The following TMEM131 variants were observed in gnomAD, a reference collection of about 807,000 sequenced individuals.
The protein encoded by TMEM131 is 2610524E03Rik.
A neutral mutation model predicts 211.6 loss-of-function variants in TMEM131; 66 were observed. The observed-to-expected ratio is 0.31, with a 90% CI of 0.26 to 0.38. The LOEUF is 0.38. TMEM131 is among the 10% of genes least tolerant of loss of function. TMEM131 has a pLI of 1.00. For missense variants in TMEM131, 2,036 were observed against 2,299.3 expected, an observed-to-expected ratio of 0.89 and a Z score of 2.34; for synonymous variants, 844 against 841.3, an observed-to-expected ratio of 1.00 and a Z score of -0.06.
At chr2:97,812,337 T>A (rs1681584531) in intron 17 of TMEM131, 84 bp downstream of exon 17, 1 of 1,416,858 alleles carries the variant, frequency 7.1e-7, no homozygotes, top group Non-Finnish European at 9.6e-7. Context: ...AAAATAATAG[T>A]GATACATGTA....
chr2:97,865,779 T>C (rs1674245021), intron 4 of TMEM131, among the ~76,000 whole-genome samples: 1 of 152,236 alleles, frequency 6.6e-6, no homozygotes, highest in African/African-American at 2.4e-5. Context: ...TCCCTTTCTA[T>C]TGTTTGGAAG....
intron 1 of TMEM131, among the ~76,000 whole-genome samples, chr2:97,977,772 G>T (rs1296256051): frequency 2.6e-5 from 4 of 152,132 alleles, no homozygotes; most frequent in Non-Finnish European, 4.4e-5. Flanking sequence ...GCTGAAGGGT[G>T]GGGTGGCTGT....
chr2:97,905,075 T>G (rs2104353576), intron 3 of TMEM131, among the ~76,000 whole-genome samples: 1 of 152,340 alleles, frequency 6.6e-6, no homozygotes, highest in South Asian at 2.1e-4. Flanking sequence ...TGGTGGTCTT[T>G]GTTCTTCGTA....
chr2:97,889,315 C>T (rs1369878077), intron 3 of TMEM131, among the ~76,000 whole-genome samples: 2 of 151,984 alleles, frequency 1.3e-5, no homozygotes, highest in East Asian at 1.9e-4. Flanking sequence ...CTAAAGACAC[C>T]GGGACATGAA....
At chr2:97,822,985 A>G (rs1682201854) in intron 11 of TMEM131, among the ~76,000 whole-genome samples, 1 of 152,158 alleles carries the variant, frequency 6.6e-6, no homozygotes, top group African/African-American at 2.4e-5. Flanking sequence ...TGAGGGAAGT[A>G]TAAATTATAA....
chr2:97,943,239 C>A (rs970034677), intron 1 of TMEM131, among the ~76,000 whole-genome samples: 1 of 151,964 alleles, frequency 6.6e-6, no homozygotes, highest in South Asian at 2.1e-4. Context: ...CAAGGCAAGA[C>A]CCTGTCTCTA....
rs1679971294 is a variant in TMEM131 at position 97,985,208 on chromosome 2, T to C, written c.187+10268A>G. Among the ~76,000 whole-genome samples the C allele has an allele frequency of 3.3e-5, 5 of 152,324 alleles. No individual in the cohort carries two copies. In the South Asian group the frequency reaches 1.0e-3, roughly 32 times the overall value. On this transcript the variant is annotated intron_variant, in intron 1 of 40. Transcript: ENST00000186436. Reference sequence around the variant, plus strand: ...AAAAACAGAAAAACATAAGGATGCCTGCTTTTTCATCACTCTTATTTAACA... The same window carrying C: ...AAAAACAGAAAAACATAAGGATGCCCGCTTTTTCATCACTCTTATTTAACA...
At chr2:97,948,721 G>A (rs1293663241) in intron 1 of TMEM131, among the ~76,000 whole-genome samples, 2 of 151,018 alleles carry the variant, frequency 1.3e-5, no homozygotes, top group African/African-American at 4.9e-5. Flanking sequence ...GCAGTGGTGT[G>A]ATCTCGGCTC....
chr2:97,824,161 C>G (rs1022811772), intron 11 of TMEM131, among the ~76,000 whole-genome samples: 2 of 152,218 alleles, frequency 1.3e-5, no homozygotes, highest in Non-Finnish European at 2.9e-5. Context: ...AAATAAGCCA[C>G]CCCCTCACCC....
intron 1 of TMEM131, among the ~76,000 whole-genome samples, chr2:97,949,126 C>T (rs775662691): frequency 1.3e-5 from 2 of 152,144 alleles, no homozygotes; most frequent in Admixed American, 6.5e-5. Flanking sequence ...ACATTCCCAT[C>T]AACGGGTGGG....
intron 2 of TMEM131, among the ~76,000 whole-genome samples, chr2:97,921,519 A>G (rs914821643): frequency 2.6e-5 from 4 of 152,212 alleles, no homozygotes; most frequent in Admixed American, 6.5e-5. Context: ...AAAATTAAGA[A>G]TTCCTGTTCA....
intron 1 of TMEM131, among the ~76,000 whole-genome samples, chr2:97,966,020 CA>C (rs1679039680): frequency 6.6e-6 from 1 of 151,274 alleles, no homozygotes; most frequent in Admixed American, 6.6e-5. Context: ...AAAAATTGAA[CA>C]AAAGCAATTT....
At chr2:97,927,675 CAAAT>C (rs778720296) in intron 1 of TMEM131, among the ~76,000 whole-genome samples, 188 bp from the exon 2 acceptor site, 80 of 152,060 alleles carry the variant, frequency 5.3e-4, no homozygotes, top group Non-Finnish European at 9.0e-4. Flanking sequence ...TAAAATAAAA[CAAAT>C]AATAAAGTAA....
intron 31 of TMEM131, among the ~76,000 whole-genome samples, chr2:97,791,145 T>C (rs1352253899): frequency 1.3e-5 from 2 of 152,152 alleles, no homozygotes; most frequent in African/African-American, 2.4e-5. Context: ...AGGGATGAAA[T>C]TGCAATACAA....
chr2:97,820,350 G>A (rs1344999391), intron 11 of TMEM131, among the ~76,000 whole-genome samples: 1 of 152,132 alleles, frequency 6.6e-6, no homozygotes, highest in Non-Finnish European at 1.5e-5. Flanking sequence ...ATAAAACAAA[G>A]TAGAGTTTGA....
intron 1 of TMEM131, among the ~76,000 whole-genome samples, chr2:97,956,773 T>C (rs1037142073): frequency 3.9e-5 from 6 of 152,152 alleles, no homozygotes; most frequent in African/African-American, 1.4e-4. Flanking sequence ...TAGTTTATTC[T>C]CCATCTCTGA....
At chr2:97,811,646 A>C (rs769615965) in intron 17 of TMEM131, among the ~76,000 whole-genome samples, 2 of 152,214 alleles carry the variant, frequency 1.3e-5, no homozygotes, top group East Asian at 3.8e-4. Flanking sequence ...GTTAATATTC[A>C]TATCTTCAGG....
Position 97,927,462 on chromosome 2 carries a change from T to C in TMEM131, c.213A>G (p.Ile71Met), listed in dbSNP as rs1224059610. ...KEAFVQSESI[I>M]EVLRFDDGGL... ...CTCCATCATCAAAACGCAGTACTTCTATTATGCTCTCTGACTGAACGAATG... is the reference window on the plus strand; with the variant it reads ...CTCCATCATCAAAACGCAGTACTTCCATTATGCTCTCTGACTGAACGAATG... The change falls in exon 2 of 41, where the codon ATA (isoleucine) becomes ATG (methionine). Residue 71 changes from isoleucine to methionine, a missense_variant. By Grantham distance (10) the Ile-to-Met change is conservative. This residue lies in a region of TMEM131 where 136 missense variants were observed against 115.4 expected (regional missense o/e 1.18). Coordinates refer to ENST00000186436, the MANE Select transcript of TMEM131 (RefSeq NM_015348.2). 3 of 1,591,104 alleles carry C rather than the reference T, an allele frequency of 1.9e-6. No homozygotes were observed. The highest frequency in any genetic ancestry group is 2.3e-5 in the East Asian group (1 of 43,946).
rs923677370 is a variant in TMEM131 at position 97,995,580 on chromosome 2, G to C, written c.83C>G (p.Ala28Gly). ...STSAGAGLEP[A>G]AARSGGPRSA... Reference sequence around the variant, plus strand: ...CCGCGGGCCCCCGCTACGGGCGGCCGCAGGTTCCAGCCCGGCCCCGGCGGA... The same window carrying C: ...CCGCGGGCCCCCGCTACGGGCGGCCCCAGGTTCCAGCCCGGCCCCGGCGGA... Residue 28 changes from alanine to glycine, a missense_variant, in exon 1 of 41, where the codon GCG becomes GGG. Physicochemically the swap from Ala to Gly is moderately conservative, Grantham distance 60 (BLOSUM62 0). Transcript: ENST00000186436. 1.5e-5 allele frequency: 20 copies of C among 1,296,196 alleles called. No individual in the cohort carries two copies. Among genetic ancestry groups the C allele is most frequent in the East Asian group, 9.6e-5 (3 of 31,386 alleles). The allele number at this position is 1,296,196 out of a possible 1,614,324, so 80.3% of individuals were successfully genotyped here.
Sources: allele counts gnomAD v4.1 joint callset (sites outside exome capture counted in the v4.1 genomes callset), GRCh38; gene constraint gnomAD v4.1.1; regional missense constraint gnomAD v4.1.1; transcripts MANE v1.5; gene names NCBI Gene and HGNC (gene_info 2026-07-23, HGNC 2026-07-21).